Variants in NAPB observed in about 807,000 individuals in gnomAD.
NAPB encodes NSF attachment protein beta.
A neutral mutation model predicts 44.7 loss-of-function variants in NAPB; 26 were observed. The ratio of observed to expected loss-of-function variants is 0.58; its 90% confidence interval spans 0.43 to 0.81. NAPB has a LOEUF of 0.81. NAPB is among the 30% of genes least tolerant of loss of function. NAPB has a pLI of 0.00. For missense variants in NAPB, 315 were observed against 356.4 expected, an observed-to-expected ratio of 0.88 and a Z score of 0.94; for synonymous variants, 120 against 116.8, an observed-to-expected ratio of 1.03 and a Z score of -0.18.
intron 1 of NAPB, among the ~76,000 whole-genome samples, chr20:23,406,661 A>G (rs1489804353): frequency 2.0e-5 from 3 of 152,184 alleles, no homozygotes; most frequent in Admixed American, 1.3e-4. Flanking sequence ...AAAACAGCTA[A>G]TAAGTTTCCT....
chr20:23,416,000 C>T (rs748273129), intron 1 of NAPB, among the ~76,000 whole-genome samples: 1 of 152,044 alleles, frequency 6.6e-6, no homozygotes, highest in Non-Finnish European at 1.5e-5. Flanking sequence ...CGGAAGAAAG[C>T]GACTTAAACT....
rs374276774 is a variant in NAPB at position 23,395,191 on chromosome 20, G to A, written c.296-6C>T. 6.2e-7 allele frequency: 1 copy of A among 1,614,090 alleles called. No homozygotes were observed. The highest frequency in any genetic ancestry group is 1.1e-5 in the South Asian group (1 of 91,088). On this transcript the variant is annotated splice_polypyrimidine_tract_variant and splice_region_variant and intron_variant, in intron 3 of 10. Transcript: ENST00000377026. ...ATTTAAGCAGTTGATAGCCTCTGAA[G>A]CGTAGGCATTTAAGAAAAACAATGA...
At chr20:23,402,938 T>C (rs1326389194) in intron 2 of NAPB, 55 bp downstream of exon 2, 1 of 1,396,752 alleles carries the variant, frequency 7.2e-7, no homozygotes, top group Non-Finnish European at 1.0e-6. Context: ...CATTTCTCCC[T>C]TCAAAGTGAT....
chr20:23,405,329 AAGAAAGAAAG>A (rs990545391), intron 1 of NAPB, among the ~76,000 whole-genome samples: 2 of 80,106 alleles, frequency 2.5e-5, no homozygotes, highest in African/African-American at 7.4e-5. Context: ...GAGAGAGAGA[AAGAAAGAAAG>A]AGAATGAAAG....
chr20:23,399,518 G>A (rs996713682), intron 2 of NAPB, among the ~76,000 whole-genome samples: 1 of 152,138 alleles, frequency 6.6e-6, no homozygotes, highest in Non-Finnish European at 1.5e-5. Flanking sequence ...TGAACAATAC[G>A]TTCATTTTCT....
chr20:23,415,557 G>A (rs1444869720), intron 1 of NAPB, among the ~76,000 whole-genome samples: 5 of 152,032 alleles, frequency 3.3e-5, no homozygotes, highest in African/African-American at 7.3e-5. Context: ...TCATGCCACT[G>A]CACTCCAGCC....
intron 1 of NAPB, among the ~76,000 whole-genome samples, chr20:23,417,414 T>C (rs1986085559): frequency 6.6e-6 from 1 of 152,206 alleles, no homozygotes; most frequent in African/African-American, 2.4e-5. Flanking sequence ...CTTTCTTCTA[T>C]GTGCATTGTG....
At chr20:23,420,981 A>AT (rs1404553290) in intron 1 of NAPB, among the ~76,000 whole-genome samples, 1 of 146,806 alleles carries the variant, frequency 6.8e-6, no homozygotes, top group Non-Finnish European at 1.5e-5. Flanking sequence ...AACCCTGGGG[A>AT]GTTCTGCCGG....
At chr20:23,392,279 T>C (rs1440021714) in intron 5 of NAPB, among the ~76,000 whole-genome samples, 1 of 152,148 alleles carries the variant, frequency 6.6e-6, no homozygotes, top group African/African-American at 2.4e-5. Context: ...TCCAGAGAAA[T>C]ATTTTCTTCC....
At chr20:23,406,118 A>G (rs1283634282) in intron 1 of NAPB, among the ~76,000 whole-genome samples, 1 of 152,198 alleles carries the variant, frequency 6.6e-6, no homozygotes, top group Non-Finnish European at 1.5e-5. Context: ...GTGAAGACAA[A>G]GCAAGAAGGC....
In NAPB at chr20:23,395,136, T is replaced by C. The variant is rs1425389061; in HGVS notation, c.342+3A>G. The C allele has an allele frequency of 3.1e-6, 5 of 1,614,204 alleles. No individual in the cohort carries two copies. The Admixed American group carries it at 8.3e-5, about 27-fold the overall frequency. ...CAGCCACTCAAGCAATGCAATGTCT[T>C]ACCATGTCTGTGTAAATGTCGATGG... On this transcript the variant is annotated splice_donor_region_variant and intron_variant, in intron 4 of 10. Coordinates refer to ENST00000377026, the MANE Select transcript of NAPB (RefSeq NM_022080.3).
At chr20:23,388,381 C>T (rs1568607058) in intron 7 of NAPB, among the ~76,000 whole-genome samples, 1 of 152,274 alleles carries the variant, frequency 6.6e-6, no homozygotes, top group South Asian at 2.1e-4. Context: ...AAAATCCAAG[C>T]TGGCTACTTT....
chr20:23,405,286 AAAG>A (rs145245030), intron 1 of NAPB, among the ~76,000 whole-genome samples: 44,948 of 151,746 alleles, frequency 0.3, 6,661 homozygotes, highest in Middle Eastern at 0.38. Context: ...GTCAAGAAGA[AAAG>A]AAAGAAAGAG....
chr20:23,410,307 TCTC>T (rs1985564424), intron 1 of NAPB, among the ~76,000 whole-genome samples: 1 of 152,274 alleles, frequency 6.6e-6, no homozygotes, highest in South Asian at 2.1e-4. Flanking sequence ...AAACCGCTCA[TCTC>T]CTATCACAGA....
intron 1 of NAPB, among the ~76,000 whole-genome samples, chr20:23,420,114 C>T (rs77226883): frequency 0.013 from 1,994 of 152,290 alleles, 45 homozygotes; most frequent in East Asian, 0.092. Flanking sequence ...CAGGCACACA[C>T]AAAATTTCTG....
At chr20:23,418,435 C>CAA in intron 1 of NAPB, among the ~76,000 whole-genome samples, 1 of 152,282 alleles carries the variant, frequency 6.6e-6, no homozygotes, top group South Asian at 2.1e-4. Context: ...GATACAGAAT[C>CAA]TTAATTGTCC....
intron 3 of NAPB, among the ~76,000 whole-genome samples, chr20:23,395,954 T>A (rs1296908583): frequency 6.6e-6 from 1 of 152,096 alleles, no homozygotes; most frequent in African/African-American, 2.4e-5. Flanking sequence ...TGAACAAAAA[T>A]TAAAACAATT....
intron 1 of NAPB, among the ~76,000 whole-genome samples, chr20:23,408,752 G>T (rs1402015681): frequency 1.3e-5 from 2 of 152,216 alleles, no homozygotes; most frequent in African/African-American, 4.8e-5. Flanking sequence ...AACTGGAAGA[G>T]ATATTTTTAC....
chr20:23,413,975 T>C (rs537468566), intron 1 of NAPB, among the ~76,000 whole-genome samples: 1 of 151,642 alleles, frequency 6.6e-6, no homozygotes, highest in South Asian at 2.1e-4. Context: ...GCTGATAAAG[T>C]AAAGCTATAT....
Sources: allele counts gnomAD v4.1 joint callset (sites outside exome capture counted in the v4.1 genomes callset), GRCh38; gene constraint gnomAD v4.1.1; transcripts MANE v1.5; gene names NCBI Gene and HGNC (gene_info 2026-07-23, HGNC 2026-07-21).